Variants in SSBP3 observed in about 807,000 individuals in gnomAD.
SSBP3 encodes the protein single stranded DNA binding protein 3.
Under a neutral mutation model 69.6 loss-of-function variants are expected in SSBP3, and 5 were observed. The observed-to-expected ratio is 0.07, with a 90% confidence interval of 0.04 to 0.15. The LOEUF is 0.15. SSBP3 is among the 10% of genes least tolerant of loss of function. SSBP3 has a pLI of 1.00. For missense variants in SSBP3, 312 were observed against 534.0 expected (o/e 0.58, Z 4.10); for synonymous variants, 196 against 193.4 (o/e 1.01, Z -0.11).
chr1:54,337,966 T>C (rs1228717487), intron 4 of SSBP3, among the ~76,000 whole-genome samples: 2 of 152,210 alleles, frequency 1.3e-5, no homozygotes, highest in African/African-American at 2.4e-5. Context: ...CCCATCTCTA[T>C]CTTTTAATTT....
At chr1:54,299,329 C>T (rs541582397) in intron 4 of SSBP3, among the ~76,000 whole-genome samples, 2 of 152,266 alleles carry the variant, frequency 1.3e-5, no homozygotes, top group East Asian at 3.9e-4. Flanking sequence ...GAAACAAAGG[C>T]GGCAGTCACG....
Position 54,364,509 on chromosome 1 carries a change from G to T in SSBP3, c.276+37352C>A, listed in dbSNP as rs181716495. ...CACTCTGTTTAACAAAGAGGAAGGG[G>T]TGAGGCTTCTCAAAACAAAACACCA... is the stretch of plus-strand genomic sequence containing the variant. On this transcript the variant is annotated intron_variant, in intron 4 of 17. Coordinates refer to ENST00000610401, the Ensembl canonical transcript of SSBP3. Among the ~76,000 whole-genome samples the T allele has an allele frequency of 3.6e-4, 55 of 152,310 alleles. No individual in the cohort carries two copies. In the East Asian group the frequency reaches 9.8e-3, roughly 27 times the overall value.
intron 5 of SSBP3, among the ~76,000 whole-genome samples, chr1:54,260,756 G>T (rs4927077): frequency 1.3e-3 from 106 of 83,932 alleles, no homozygotes; most frequent in African/African-American, 4.5e-3. Context: ...GGCTCATGGG[G>T]AACAAGCTGT....
intron 4 of SSBP3, among the ~76,000 whole-genome samples, chr1:54,360,569 G>C (rs1236650717): frequency 6.6e-6 from 1 of 152,148 alleles, no homozygotes; most frequent in Non-Finnish European, 1.5e-5. Context: ...TTTGATCACA[G>C]AAAGCCTGCA....
intron 4 of SSBP3, among the ~76,000 whole-genome samples, chr1:54,369,796 C>CAGAATCAGATACTCA (rs1647097021): frequency 3.9e-5 from 6 of 152,214 alleles, no homozygotes; most frequent in East Asian, 1.9e-4. Context: ...AGTCTGAGAA[C>CAGAATCAGATACTCA]GTGACCCTGT....
At chr1:54,365,161 A>G (rs1002565439) in intron 4 of SSBP3, among the ~76,000 whole-genome samples, 4 of 152,218 alleles carry the variant, frequency 2.6e-5, no homozygotes, top group South Asian at 2.1e-4. Flanking sequence ...CATGGAGATG[A>G]AGCAACATCC....
At chr1:54,301,965 C>T (rs1645810353) in intron 4 of SSBP3, among the ~76,000 whole-genome samples, 1 of 152,244 alleles carries the variant, frequency 6.6e-6, no homozygotes, top group Non-Finnish European at 1.5e-5. Context: ...CCCTATGGCA[C>T]CAATCCCTGG....
intron 13 of SSBP3, among the ~76,000 whole-genome samples, chr1:54,240,006 G>A (rs758331537): frequency 2.6e-5 from 4 of 151,484 alleles, no homozygotes; most frequent in African/African-American, 7.3e-5. Context: ...TAGCTGGCTG[G>A]TATGCTATTC....
intron 4 of SSBP3, among the ~76,000 whole-genome samples, chr1:54,394,534 G>T (rs915745222): frequency 6.6e-6 from 1 of 151,908 alleles, no homozygotes; most frequent in Non-Finnish European, 1.5e-5. Flanking sequence ...CTCAAAATAC[G>T]GTAGTGTCTT....
intron 4 of SSBP3, among the ~76,000 whole-genome samples, chr1:54,310,034 C>T (rs1219695601): frequency 6.6e-6 from 1 of 152,126 alleles, no homozygotes; most frequent in Non-Finnish European, 1.5e-5. Flanking sequence ...ACTTCCAAGC[C>T]TTTGAATACC....
chr1:54,336,496 C>T (rs1316655778), intron 4 of SSBP3, among the ~76,000 whole-genome samples: 1 of 152,202 alleles, frequency 6.6e-6, no homozygotes, highest in Non-Finnish European at 1.5e-5. Context: ...AGAGCCAGCA[C>T]TGTCCAGAGC....
In SSBP3 at chr1:54,368,722, T is replaced by TATAG. The variant is rs1366990793; in HGVS notation, c.276+33135_276+33138dup. Reference sequence around the variant, plus strand: ...TTTCCACTCCCCACAAAGAGCTGGCTATAGACCCTTTATTGAAATGTGCCT... The same window carrying TATAG: ...TTTCCACTCCCCACAAAGAGCTGGCTATAGATAGACCCTTTATTGAAATGTGCCT... On this transcript the variant is annotated intron_variant, in intron 4 of 17. Coordinates refer to ENST00000610401, the Ensembl canonical transcript of SSBP3. Among the ~76,000 whole-genome samples, 29 of 152,344 alleles carry TATAG rather than the reference T, an allele frequency of 1.9e-4. No homozygotes were observed. In the East Asian group the frequency reaches 5.4e-3, roughly 28 times the overall value.
intron 4 of SSBP3, among the ~76,000 whole-genome samples, chr1:54,299,927 C>A (rs1645771682): frequency 6.6e-6 from 1 of 152,174 alleles, no homozygotes; most frequent in African/African-American, 2.4e-5. Context: ...CGACATAATT[C>A]CTCCTTCCCT....
intron 4 of SSBP3, among the ~76,000 whole-genome samples, chr1:54,386,825 C>G (rs1402705735): frequency 1.3e-5 from 2 of 151,284 alleles, no homozygotes; most frequent in Non-Finnish European, 2.9e-5. Flanking sequence ...TAGGCGCACA[C>G]CACCTCACCC....
intron 4 of SSBP3, among the ~76,000 whole-genome samples, chr1:54,379,136 G>T (rs1297691369): frequency 6.6e-6 from 1 of 152,222 alleles, no homozygotes; most frequent in Non-Finnish European, 1.5e-5. Context: ...TATTTATTTG[G>T]AGAAAAGAAA....
intron 4 of SSBP3, among the ~76,000 whole-genome samples, chr1:54,361,430 C>T (rs1164517897): frequency 6.6e-6 from 1 of 152,048 alleles, no homozygotes; most frequent in Non-Finnish European, 1.5e-5. Flanking sequence ...GAAAACCGAA[C>T]AACCCTAAAA....
chr1:54,250,583 G>A (rs1193110463), intron 9 of SSBP3, among the ~76,000 whole-genome samples: 2 of 152,194 alleles, frequency 1.3e-5, no homozygotes, highest in African/African-American at 4.8e-5. Context: ...CCAGAAACCA[G>A]TGCAGGGGGC....
intron 4 of SSBP3, among the ~76,000 whole-genome samples, chr1:54,394,788 C>T (rs915861289): frequency 6.6e-5 from 10 of 150,638 alleles, no homozygotes; most frequent in East Asian, 2.0e-4. Flanking sequence ...CTGCAACCTC[C>T]GCCTCCTGGG....
chr1:54,251,769 C>G, intron 8 of SSBP3, 25 bp downstream of exon 8: 1 of 1,608,472 alleles, frequency 6.2e-7, no homozygotes, highest in Non-Finnish European at 8.5e-7. Flanking sequence ...CCCCAGCCAC[C>G]CTAGGCCCAC....
Sources: allele counts gnomAD v4.1 joint callset (sites outside exome capture counted in the v4.1 genomes callset), GRCh38; gene constraint gnomAD v4.1.1; transcripts MANE v1.5; gene names NCBI Gene and HGNC (gene_info 2026-07-23, HGNC 2026-07-21).